Variants in CDIN1 observed in about 807,000 individuals in gnomAD.
The protein encoded by CDIN1 is CDAN1-interacting nuclease 1.
A neutral mutation model predicts 45.3 loss-of-function variants in CDIN1; 33 were observed. The ratio of observed to expected loss-of-function variants is 0.73; its 90% CI spans 0.55 to 0.97. The LOEUF is 0.97. CDIN1 is among the 50% of genes least tolerant of loss of function. The pLI is 0.00. For missense variants in CDIN1, 303 were observed against 339.4 expected (o/e 0.89, Z 0.84); for synonymous variants, 118 against 124.4 (o/e 0.95, Z 0.34).
At chr15:36,639,933 T>C (rs2040041618) in intron 1 of CDIN1, among the ~76,000 whole-genome samples, 1 of 152,162 alleles carries the variant, frequency 6.6e-6, no homozygotes, top group Non-Finnish European at 1.5e-5. Context: ...TGGTTAGGCA[T>C]AAAATGTTTG....
At chr15:36,685,080 T>C (rs1169661387) in intron 5 of CDIN1, among the ~76,000 whole-genome samples, 47 of 151,890 alleles carry the variant, frequency 3.1e-4, no homozygotes, top group Non-Finnish European at 4.3e-4. Context: ...TCTATTTCCT[T>C]CAGTTCTGCT....
At chr15:36,746,748 G>A (rs1352264134) in intron 10 of CDIN1, among the ~76,000 whole-genome samples, 3 of 132,560 alleles carry the variant, frequency 2.3e-5, no homozygotes, top group Non-Finnish European at 4.7e-5. Context: ...AGTTGGAAAC[G>A]TGTCTTTTTT....
At position 36,809,015 on chromosome 15, in the gene CDIN1, T is replaced by C. The variant is rs1285247031; in HGVS notation, c.*562T>C. The C allele has an allele frequency of 2.2e-6, 1 of 455,238 alleles. No individual in the cohort carries two copies. Among genetic ancestry groups the C allele is most frequent in the Non-Finnish European group, 4.4e-6 (1 of 226,452 alleles). The allele number at this position is 455,238 out of a possible 1,614,324, so 28.2% of individuals were successfully genotyped here. On this transcript the variant is annotated 3_prime_UTR_variant, in exon 11 of 11. Coordinates refer to ENST00000566621, the MANE Select transcript of CDIN1 (RefSeq NM_001321759.2). Reference sequence around the variant, plus strand: ...TCACCTGCAGAGCTCCAGAAGACCTTGATGGCAGCCTGCCTATGCTGTGTG... The same window carrying C: ...TCACCTGCAGAGCTCCAGAAGACCTCGATGGCAGCCTGCCTATGCTGTGTG...
chr15:36,736,233 A>G (rs1171635913), intron 10 of CDIN1, among the ~76,000 whole-genome samples: 2 of 152,030 alleles, frequency 1.3e-5, no homozygotes, highest in Non-Finnish European at 2.9e-5. Flanking sequence ...ACTTGTCTCA[A>G]ATGAAGGTGG....
chr15:36,616,287 A>AT (rs71309428), intron 1 of CDIN1, among the ~76,000 whole-genome samples: 37,348 of 143,644 alleles, frequency 0.26, 5,336 homozygotes, highest in South Asian at 0.39. Flanking sequence ...TTTTTCTTTC[A>AT]TTTTTTTTTT....
At chr15:36,670,463 A>G (rs935271691) in intron 5 of CDIN1, among the ~76,000 whole-genome samples, 1 of 152,136 alleles carries the variant, frequency 6.6e-6, no homozygotes, top group Non-Finnish European at 1.5e-5. Flanking sequence ...ATTAACAGAC[A>G]CCTTTGTATT....
In CDIN1 at chr15:36,755,754, G is replaced by C. The variant is rs186474050; in HGVS notation, c.716+45793G>C. Reference sequence around the variant, plus strand: ...AGCAATTTCCTACAACAATATCCTCGTGTTGGGTTTTTCAGCCATCACTTA... The same window carrying C: ...AGCAATTTCCTACAACAATATCCTCCTGTTGGGTTTTTCAGCCATCACTTA... On this transcript the variant is annotated intron_variant, in intron 10 of 10. Transcript: ENST00000566621. Among the ~76,000 whole-genome samples the C allele has an allele frequency of 5.5e-4, 84 of 152,092 alleles. 1 individual carries two copies. Among genetic ancestry groups the C allele is most frequent in the Admixed American group, 2.9e-3 (44 of 15,276 alleles).
intron 10 of CDIN1, among the ~76,000 whole-genome samples, chr15:36,736,994 C>T (rs1379424562): frequency 6.6e-6 from 1 of 151,932 alleles, no homozygotes; most frequent in Non-Finnish European, 1.5e-5. Flanking sequence ...TGGTGAAACC[C>T]CATCTCTACT....
intron 5 of CDIN1, among the ~76,000 whole-genome samples, chr15:36,686,453 A>G (rs986175326): frequency 2.0e-5 from 3 of 150,166 alleles, no homozygotes; most frequent in Admixed American, 6.6e-5. Flanking sequence ...AGATATACCT[A>G]ATGCTAGATG....
At chr15:36,791,773 C>A (rs1595603881) in intron 10 of CDIN1, among the ~76,000 whole-genome samples, 1 of 152,070 alleles carries the variant, frequency 6.6e-6, no homozygotes, top group South Asian at 2.1e-4. Context: ...TAGCAGTGGT[C>A]CTTTCTATAA....
intron 5 of CDIN1, among the ~76,000 whole-genome samples, chr15:36,671,997 T>TTGA (rs1291201075): frequency 2.0e-5 from 3 of 152,144 alleles, no homozygotes; most frequent in African/African-American, 7.2e-5. Context: ...GTTTTGAAAT[T>TTGA]TGTTTGACCT....
At chr15:36,694,181 G>A (rs992963814) in intron 7 of CDIN1, among the ~76,000 whole-genome samples, 1 of 152,122 alleles carries the variant, frequency 6.6e-6, no homozygotes, top group Admixed American at 6.6e-5. Context: ...AAACAGGCTG[G>A]GAAGTTTACA....
At chr15:36,644,769 CT>C (rs1402840665) in intron 2 of CDIN1, among the ~76,000 whole-genome samples, 3 of 152,114 alleles carry the variant, frequency 2.0e-5, no homozygotes, top group African/African-American at 7.2e-5. Flanking sequence ...TATGGAATTA[CT>C]TTTTGTAGTT....
At chr15:36,799,958 C>T (rs2099425492) in intron 10 of CDIN1, 2 of 151,992 alleles carry the variant, frequency 1.3e-5, no homozygotes, top group South Asian at 4.1e-4. Context: ...TATCTATATC[C>T]AATATAGAAC....
intron 10 of CDIN1, among the ~76,000 whole-genome samples, chr15:36,792,264 A>G (rs1023502345): frequency 1.3e-5 from 2 of 152,200 alleles, no homozygotes; most frequent in Non-Finnish European, 2.9e-5. Flanking sequence ...GCAGGTTGTC[A>G]GAGCATCGAA....
At chr15:36,686,105 G>A (rs903076245) in intron 5 of CDIN1, among the ~76,000 whole-genome samples, 2 of 152,040 alleles carry the variant, frequency 1.3e-5, no homozygotes, top group African/African-American at 2.4e-5. Flanking sequence ...AAAGACACAT[G>A]CACACGTATG....
intron 10 of CDIN1, among the ~76,000 whole-genome samples, chr15:36,719,929 CCT>C (rs2043348027): frequency 6.6e-6 from 1 of 151,720 alleles, no homozygotes; most frequent in Non-Finnish European, 1.5e-5. Flanking sequence ...GAAAATATTC[CCT>C]TATTATCTTT....
Position 36,691,684 on chromosome 15 carries a change from G to T in CDIN1, c.347-1G>T, listed in dbSNP as rs1226070304. ...AACAGTTCATCTCTTTTCTTCTACAGCCTCCAAGTCTATTATAAATAGTAT... is the reference window on the plus strand; with the variant it reads ...AACAGTTCATCTCTTTTCTTCTACATCCTCCAAGTCTATTATAAATAGTAT... On this transcript the variant is annotated splice_acceptor_variant, in intron 5 of 10. Coordinates refer to ENST00000566621, the MANE Select transcript of CDIN1 (RefSeq NM_001321759.2). LOFTEE classifies it high-confidence loss of function. 1.7e-5 allele frequency: 27 copies of T among 1,587,528 alleles called. No homozygotes were observed. The highest frequency in any genetic ancestry group is 2.0e-5 in the Non-Finnish European group (23 of 1,162,894).
At chr15:36,627,625 G>C (rs1251637178) in intron 1 of CDIN1, 1 of 152,406 alleles carries the variant, frequency 6.6e-6, no homozygotes, top group African/African-American at 2.4e-5. Context: ...TGCTCATGAA[G>C]ATGAGTGGCA....
Sources: allele counts gnomAD v4.1 joint callset (sites outside exome capture counted in the v4.1 genomes callset), GRCh38; gene constraint gnomAD v4.1.1; transcripts MANE v1.5; gene names NCBI Gene and HGNC (gene_info 2026-07-23, HGNC 2026-07-21).